PRR36: variants seen among roughly 807,000 people sequenced by gnomAD.
PRR36 encodes proline-rich protein 36.
In PRR36, 30 loss-of-function variants were observed where a neutral mutation model predicts 58.6. That is an observed-to-expected ratio of 0.51 (90% CI 0.38 to 0.69). The LOEUF is 0.69. PRR36 is among the 30% of genes least tolerant of loss of function. PRR36 has a pLI of 0.00. For missense variants in PRR36, 1,692 were observed against 1,805.6 expected (o/e 0.94, Z 1.14); for synonymous variants, 771 against 829.3 (o/e 0.93, Z 1.21).
Position 7,869,427 on chromosome 19 carries a change from C to T in PRR36, c.3647G>A (p.Gly1216Glu). The T allele has an allele frequency of 2.7e-6, 4 of 1,500,842 alleles. No individual in the cohort carries two copies. Among genetic ancestry groups the T allele is most frequent in the South Asian group, 1.2e-5 (1 of 80,820 alleles). The allele number at this position is 1,500,842 out of a possible 1,614,324, so 93.0% of individuals were successfully genotyped here. The change falls in exon 6 of 6, where the codon GGG becomes GAG. Residue 1216 changes from glycine (G) to glutamate (E), a missense_variant. Transcript: ENST00000618550. Reference sequence around the variant, plus strand: ...CCCACCGCTCGTGCCGGGACTGGGCCCCGGATCCAGTGCGCCAGGGGCGGG... The same window carrying T: ...CCCACCGCTCGTGCCGGGACTGGGCTCCGGATCCAGTGCGCCAGGGGCGGG... ...ATPAPGALDP[G>E]PSPGTSGGKA...
intron 5 of PRR36, 26 bp from the exon 6 acceptor site, chr19:7,869,570 C>T: frequency 6.6e-7 from 1 of 1,512,648 alleles, no homozygotes; most frequent in Non-Finnish European, 8.8e-7. Flanking sequence ...CCAGGTGGGC[C>T]GTGGGGGTGA....
Position 7,869,706 on chromosome 19 carries a change from G to A in PRR36, c.3529+9C>T. The stretch of plus-strand genomic sequence containing the variant: ...CCCACAGCCAGGCCGGGTCTGGGGT[G>A]CCCCTTACCTGGGGCTCCGCGGAAA... On this transcript the variant is annotated intron_variant, in intron 5 of 5. Transcript: ENST00000618550. 1 of 1,344,298 alleles carries A rather than the reference G, an allele frequency of 7.4e-7. No individual in the cohort carries two copies. The highest frequency in any genetic ancestry group is 9.5e-7 in the Non-Finnish European group (1 of 1,051,998). The allele number at this position is 1,344,298 out of a possible 1,614,324, so 83.3% of individuals were successfully genotyped here.
chr19:7,872,393 T>G lies in PRR36; in HGVS notation c.851A>C (p.Gln284Pro). 25 of 1,450,498 alleles carry G rather than the reference T, an allele frequency of 1.7e-5. No individual in the cohort carries two copies. The highest frequency in any genetic ancestry group is 2.3e-5 in the Non-Finnish European group (25 of 1,107,574). 89.9% of individuals were successfully genotyped at this position (1,450,498 alleles called of 1,614,324 possible). Residue 284 changes from glutamine to proline, a missense_variant, in exon 5 of 6, where the codon CAG (glutamine) becomes CCG (proline). This residue lies in a region of PRR36 where 975 missense variants were observed against 955.2 expected (regional missense o/e 1.02). Transcript: ENST00000618550. The surrounding 1 kb of genome is among the most constrained non-coding windows in gnomAD (Gnocchi z 6.1). ...PKGLQALRPP[Q>P]VTPPRKDAAP... ...TGCGTCCTTCCTTGGGGGTGTGACC[T>G]GAGGGGGTCGCAGAGCCTGCAGTCC...
Position 7,873,788 on chromosome 19 carries a change from C to T in PRR36, c.-7-92G>A. 1 of 1,258,290 alleles carries T rather than the reference C, an allele frequency of 7.9e-7. No homozygotes were observed. The highest frequency in any genetic ancestry group is 1.1e-6 in the Non-Finnish European group (1 of 928,204). 77.9% of individuals were successfully genotyped at this position (1,258,290 alleles called of 1,614,324 possible). ...CTGCTACCTCACTGCCCTTTCGCAG[C>T]ATCGCCACCCATGGACACTCAAACC... On this transcript the variant is annotated intron_variant, in intron 1 of 5. Transcript: ENST00000618550. This position sits in a 1 kb window ranked among gnomAD's most constrained non-coding sequence, Gnocchi z 5.0.
chr19:7,869,838 A>C lies in PRR36; in HGVS notation c.3406T>G (p.Tyr1136Asp). The C allele has an allele frequency of 7.4e-7, 1 of 1,349,828 alleles. No individual in the cohort carries two copies. Among genetic ancestry groups the C allele is most frequent in the Non-Finnish European group, 9.5e-7 (1 of 1,057,710 alleles). The allele number at this position is 1,349,828 out of a possible 1,614,324, so 83.6% of individuals were successfully genotyped here. A position where few individuals can be genotyped will look rare whatever the true frequency, so the allele number is the denominator to read the frequency against. The change falls in exon 5 of 6, where the codon TAC (tyrosine) becomes GAC (aspartate). Residue 1136 changes from tyrosine (Y) to aspartate (D), a missense_variant. Tyr to Asp is a radical substitution (Grantham distance 160). Transcript: ENST00000618550. ...ATSTPEELRG[Y>D]DSGPEGGAAA... Reference sequence around the variant, plus strand: ...GCACCGCCCTCGGGCCCGCTGTCGTAGCCACGCAGCTCCTCTGGCGTGCTC... The same window carrying C: ...GCACCGCCCTCGGGCCCGCTGTCGTCGCCACGCAGCTCCTCTGGCGTGCTC...
In PRR36 at chr19:7,873,730, T is replaced by C; in HGVS notation, c.-7-34A>G. On this transcript the variant is annotated intron_variant, in intron 1 of 5. Coordinates refer to ENST00000618550, the MANE Select transcript of PRR36 (RefSeq NM_001190467.2). The surrounding 1 kb of genome is among the most constrained non-coding windows in gnomAD (Gnocchi z 5.0). ...ACAAACCGGTCCGCATCCCAGGTTC[T>C]GGACAGCTACGCCGCCTCCAGAGAC... The C allele has an allele frequency of 6.6e-7, 1 of 1,521,078 alleles. No individual in the cohort carries two copies. The highest frequency in any genetic ancestry group is 8.8e-7 in the Non-Finnish European group (1 of 1,138,400). The allele number at this position is 1,521,078 out of a possible 1,614,324, so 94.2% of individuals were successfully genotyped here. A position where few individuals can be genotyped will look rare whatever the true frequency, so the allele number is the denominator to read the frequency against.
chr19:7,870,379 A>C lies in PRR36; in HGVS notation c.2865T>G (p.Pro955=). The C allele has an allele frequency of 6.4e-6, 3 of 469,852 alleles. No homozygotes were observed. Among genetic ancestry groups the C allele is most frequent in the Non-Finnish European group, 7.6e-6 (3 of 395,682 alleles). The allele number at this position is 469,852 out of a possible 1,614,324, so 29.1% of individuals were successfully genotyped here. The change falls in exon 5 of 6, where the codon CCT becomes CCG. Residue 955 remains proline (P), a synonymous_variant. Coordinates refer to ENST00000618550, the MANE Select transcript of PRR36 (RefSeq NM_001190467.2). The part of the protein sequence containing the change: ...PPQAPPPLAA[P]PLQVPPSPPA... Reference sequence around the variant, plus strand: ...GGGGAGAGGGTGGGACCTGCAGAGGAGGCGCAGCGAGAGGGGGTGGGGCCT... The same window carrying C: ...GGGGAGAGGGTGGGACCTGCAGAGGCGGCGCAGCGAGAGGGGGTGGGGCCT...
At position 7,870,163 on chromosome 19, in the gene PRR36, G is replaced by A; in HGVS notation, c.3081C>T (p.Ala1027=). ...AGAAAGGGGCCTGCCCAGGGAATGA[G>A]GCAGGCGGAGAGGGAAGGGCCTGCA... ...PPLQALPSPP[A]SFPGQAPFSP... Residue 1027 remains alanine (A), a synonymous_variant, in exon 5 of 6, where the codon GCC becomes GCT. Transcript: ENST00000618550. 1 of 1,429,032 alleles carries A rather than the reference G, an allele frequency of 7.0e-7. No individual in the cohort carries two copies. The highest frequency in any genetic ancestry group is 2.9e-5 in the East Asian group (1 of 34,810). 88.5% of individuals were successfully genotyped at this position (1,429,032 alleles called of 1,614,324 possible). A position where few individuals can be genotyped will look rare whatever the true frequency, so the allele number is the denominator to read the frequency against.
Position 7,872,152 on chromosome 19 carries a change from A to C in PRR36, c.1092T>G (p.Cys364Trp), listed in dbSNP as rs1220334206. ...CTAGAGGAAGGGGCGTGGCCAACTG[A>C]CAGGTAAGGCTCGACGAGTGGGGCG... ...PATPHSSSLT[C>W]QLATPLPLAP... The change falls in exon 5 of 6, where the codon TGT (cysteine) becomes TGG (tryptophan). Residue 364 changes from cysteine (C) to tryptophan (W), a missense_variant. Physicochemically the swap from Cys to Trp is radical, Grantham distance 215. Transcript: ENST00000618550. The surrounding 1 kb of genome is among the most constrained non-coding windows in gnomAD (Gnocchi z 6.1). The C allele has an allele frequency of 1.3e-6, 2 of 1,493,634 alleles. No individual in the cohort carries two copies. The highest frequency in any genetic ancestry group is 4.3e-5 in the Admixed American group (2 of 46,914). The allele number at this position is 1,493,634 out of a possible 1,614,324, so 92.5% of individuals were successfully genotyped here.
chr19:7,872,223 G>T lies in PRR36; in HGVS notation c.1021C>A (p.Pro341Thr), dbSNP rs1011169983. 2 of 1,457,736 alleles carry T rather than the reference G, an allele frequency of 1.4e-6. No individual in the cohort carries two copies. Among genetic ancestry groups the T allele is most frequent in the African/African-American group, 2.8e-5 (2 of 70,282 alleles). The allele number at this position is 1,457,736 out of a possible 1,614,324, so 90.3% of individuals were successfully genotyped here. A position where few individuals can be genotyped will look rare whatever the true frequency, so the allele number is the denominator to read the frequency against. Reference protein sequence around the residue: ...LPPSPPVTPPPPAALQSQAPP... With the variant: ...LPPSPPVTPPTPAALQSQAPP... The stretch of plus-strand genomic sequence containing the variant: ...GCCTGACTTTGGAGAGCGGCTGGCG[G>T]AGGGGGCGTTACCGGTGGAGAGGGA... Residue 341 changes from proline to threonine, a missense_variant, in exon 5 of 6, where the codon CCG (proline) becomes ACG (threonine). Physicochemically the swap from Pro to Thr is conservative, Grantham distance 38. Coordinates refer to ENST00000618550, the MANE Select transcript of PRR36 (RefSeq NM_001190467.2). This position sits in a 1 kb window ranked among gnomAD's most constrained non-coding sequence, Gnocchi z 6.1.
Position 7,871,480 on chromosome 19 carries a change from T to A in PRR36, c.1764A>T (p.Ile588=), listed in dbSNP as rs1026522821. The change falls in exon 5 of 6, where the codon ATA becomes ATT. Residue 588 remains isoleucine, a synonymous_variant. Coordinates refer to ENST00000618550, the MANE Select transcript of PRR36 (RefSeq NM_001190467.2). ...APPSLQTIPP[I]QVPHSLTSPS... ...GTGAGGTCAGAGAATGTGGGACCTG[T>A]ATTGGGGGAATGGTCTGGAGAGAGG... 4.2e-5 allele frequency: 64 copies of A among 1,532,864 alleles called. No homozygotes were observed. The highest frequency in any genetic ancestry group is 2.0e-4 in the East Asian group (8 of 40,760). 95.0% of individuals were successfully genotyped at this position (1,532,864 alleles called of 1,614,324 possible). A position where few individuals can be genotyped will look rare whatever the true frequency, so the allele number is the denominator to read the frequency against.
Position 7,873,759 on chromosome 19 carries a change from G to A in PRR36, c.-7-63C>T, listed in dbSNP as rs905185749. ...CAGCTACGCCGCCTCCAGAGACCTG[G>A]ACCCTGCTACCTCACTGCCCTTTCG... On this transcript the variant is annotated intron_variant, in intron 1 of 5. Coordinates refer to ENST00000618550, the MANE Select transcript of PRR36 (RefSeq NM_001190467.2). The surrounding 1 kb of genome is among the most constrained non-coding windows in gnomAD (Gnocchi z 5.0). The A allele has an allele frequency of 1.4e-6, 2 of 1,460,540 alleles. No homozygotes were observed. The highest frequency in any genetic ancestry group is 2.5e-5 in the East Asian group (1 of 40,266). The allele number at this position is 1,460,540 out of a possible 1,614,324, so 90.5% of individuals were successfully genotyped here.
Position 7,872,657 on chromosome 19 carries a change from G to C in PRR36, c.587C>G (p.Ala196Gly). Residue 196 changes from alanine (A) to glycine (G), a missense_variant, in exon 5 of 6, where the codon GCC (alanine) becomes GGC (glycine). By Grantham distance (60) the Ala-to-Gly change is moderately conservative. Around this residue, in one of 5 missense-constraint regions of PRR36, gnomAD observed 975 missense variants for 955.2 expected, o/e 1.02. Coordinates refer to ENST00000618550, the MANE Select transcript of PRR36 (RefSeq NM_001190467.2). The surrounding 1 kb of genome is among the most constrained non-coding windows in gnomAD (Gnocchi z 6.1). ...EVGLPRPAPS[A>G]RPRPPTEGPR... ...GCCCTCTGTCGGGGGCCGTGGCCGG[G>C]CACTCGGAGCTGGCCGGGGGAGCCC... 1 of 1,470,668 alleles carries C rather than the reference G, an allele frequency of 6.8e-7. No individual in the cohort carries two copies. The highest frequency in any genetic ancestry group is 9.0e-7 in the Non-Finnish European group (1 of 1,115,522). The allele number at this position is 1,470,668 out of a possible 1,614,324, so 91.1% of individuals were successfully genotyped here.
Position 7,872,547 on chromosome 19 carries a change from C to A in PRR36, c.697G>T (p.Gly233Cys), listed in dbSNP as rs772163433. ...GAGCGCGAGGCCGGCCTCTGGAGAC[C>A]CCCACCGGCGCTGGGCCGCCTCCTG... is the stretch of plus-strand genomic sequence containing the variant. ...AARRRPSAGG[G>C]LQRPASRSLS... is the part of the protein sequence containing the mutation. The change falls in exon 5 of 6, where the codon GGT (glycine) becomes TGT (cysteine). Residue 233 changes from glycine (G) to cysteine (C), a missense_variant. Gly to Cys is a radical substitution (Grantham distance 159, BLOSUM62 -3). Transcript: ENST00000618550. The surrounding 1 kb of genome is among the most constrained non-coding windows in gnomAD (Gnocchi z 6.1). The A allele has an allele frequency of 1.2e-5, 19 of 1,521,012 alleles. No individual in the cohort carries two copies. In the East Asian group the frequency reaches 4.3e-4, roughly 34 times the overall value. The allele number at this position is 1,521,012 out of a possible 1,614,324, so 94.2% of individuals were successfully genotyped here. A position where few individuals can be genotyped will look rare whatever the true frequency, so the allele number is the denominator to read the frequency against.
Position 7,870,288 on chromosome 19 carries a change from G to GCGC in PRR36, c.2955_2956insGCG (p.Ala985dup). 1 of 1,303,730 alleles carries GCGC rather than the reference G, an allele frequency of 7.7e-7. No homozygotes were observed. The highest frequency in any genetic ancestry group is 9.7e-7 in the Non-Finnish European group (1 of 1,030,944). 80.8% of individuals were successfully genotyped at this position (1,303,730 alleles called of 1,614,324 possible). A position where few individuals can be genotyped will look rare whatever the true frequency, so the allele number is the denominator to read the frequency against. On this transcript the variant is annotated inframe_insertion, in exon 5 of 6. Transcript: ENST00000618550. ...GGAGAGGGCGGGACCTGCAGAGGAG[G>GCGC]AGCGGCAAGAAGGGGTGGGACCCGT...
rs1980438009 is a variant in PRR36 at position 7,871,404 on chromosome 19, T to TG, written c.1839dup (p.Thr614HisfsTer21). Reference sequence around the variant, plus strand: ...AGAGTGGGTGAGCCCAAAGAAGTTGTGGCCTGCAGAGAGGACAAAGCCAGA... The same window carrying TG: ...AGAGTGGGTGAGCCCAAAGAAGTTGTGGGCCTGCAGAGAGGACAAAGCCAGA... On this transcript the variant is annotated frameshift_variant, in exon 5 of 6. Coordinates refer to ENST00000618550, the MANE Select transcript of PRR36 (RefSeq NM_001190467.2). LOFTEE classifies it high-confidence loss of function. 1 of 1,533,640 alleles carries TG rather than the reference T, an allele frequency of 6.5e-7. No individual in the cohort carries two copies. Among genetic ancestry groups the TG allele is most frequent in the Non-Finnish European group, 8.7e-7 (1 of 1,146,456 alleles).
chr19:7,871,153 G>C lies in PRR36; in HGVS notation c.2091C>G (p.His697Gln). The change falls in exon 5 of 6, where the codon CAC becomes CAG. Residue 697 changes from histidine (H) to glutamine (Q), a missense_variant. His to Gln is a conservative substitution (Grantham distance 24). Transcript: ENST00000618550. ...GGGAAGAGAGAGGTGCCTGAGGAGA[G>C]TGGGAGGCCAGAGAAGATAGCGCCT... ...PLQALSSLAS[H>Q]SPQAPLSSLI... 6.5e-7 allele frequency: 1 copy of C among 1,535,582 alleles called. No homozygotes were observed. Among genetic ancestry groups the C allele is most frequent in the South Asian group, 1.2e-5 (1 of 84,030 alleles).
rs1319600944 is a variant in PRR36, at chr19:7,870,590, G to A, written c.2654C>T (p.Ala885Val). 36 of 1,222,556 alleles carry A rather than the reference G, an allele frequency of 2.9e-5. No homozygotes were observed. Among genetic ancestry groups the A allele is most frequent in the Admixed American group, 8.7e-5 (2 of 23,076 alleles). 75.7% of individuals were successfully genotyped at this position (1,222,556 alleles called of 1,614,324 possible). Residue 885 changes from alanine to valine, a missense_variant, in exon 5 of 6, where the codon GCC becomes GTC. Physicochemically the swap from Ala to Val is moderately conservative, Grantham distance 64. Transcript: ENST00000618550. ...PNALAVHLLQ[A>V]PFSPPPSPPV... ...GGGTGAGGGAGGGGGAGAGAAAGGG[G>A]CCTGCAGAAGGTGCACTGCCAGAGC...
In PRR36 at chr19:7,870,657, G is replaced by A. The variant is rs554543027; in HGVS notation, c.2587C>T (p.Pro863Ser). 1.7e-5 allele frequency: 23 copies of A among 1,367,086 alleles called. No homozygotes were observed. In the African/African-American group the frequency reaches 2.5e-4, roughly 15 times the overall value. 84.7% of individuals were successfully genotyped at this position (1,367,086 alleles called of 1,614,324 possible). ...GAGGGTGTGGCCAAAGGAGACAGAG[G>A]GGGTGAGGCAGGGGGAGAGGGAGGG... ...QAPPSPPASP[P>S]LSPLATPSPQ... Residue 863 changes from proline to serine, a missense_variant, in exon 5 of 6, where the codon CCT becomes TCT. This residue lies in a region of PRR36 where 171 missense variants were observed against 146.2 expected (regional missense o/e 1.17). Transcript: ENST00000618550.
Sources: gnomAD v4.1 joint callset for allele counts on GRCh38, gnomAD v4.1.1 for gene constraint, gnomAD v4.1.1 regional missense constraint, Gnocchi (gnomAD v3.1) non-coding constraint, MANE v1.5 for transcripts, NCBI Gene and HGNC (gene_info 2026-07-23, HGNC 2026-07-21) for gene names.